Variants in SLC39A9 observed in about 807,000 individuals in gnomAD.
SLC39A9 encodes the protein solute carrier family 39 member 9, also known as zinc transporter ZIP9.
In SLC39A9, 14 loss-of-function variants were observed where a neutral mutation model predicts 28.4. The observed-to-expected ratio is 0.49, with a 90% CI of 0.33 to 0.77. The LOEUF is 0.77. Among genes scored for constraint, SLC39A9 ranks in the 30% least tolerant of loss-of-function variants. The pLI, the probability that SLC39A9 is intolerant of heterozygous loss-of-function variation, is 0.02. For missense variants in SLC39A9, 283 were observed against 381.1 expected, an observed-to-expected ratio of 0.74 and a Z score of 2.14; for synonymous variants, 119 against 149.6, an observed-to-expected ratio of 0.80 and a Z score of 1.49.
chr14:69,460,296 T>C lies in SLC39A9; in HGVS notation c.*1703T>C, dbSNP rs887757733. ...GATCAGCAGCTGTGGAAATAAAGCTTGTGAGCCCTCTGCTGGCCACAGTGA... is the reference window on the plus strand; with the variant it reads ...GATCAGCAGCTGTGGAAATAAAGCTCGTGAGCCCTCTGCTGGCCACAGTGA... On this transcript the variant is annotated 3_prime_UTR_variant, in exon 7 of 7. Transcript: ENST00000336643. 32 of 985,672 alleles carry C rather than the reference T, an allele frequency of 3.2e-5. No homozygotes were observed. Among genetic ancestry groups the C allele is most frequent in the African/African-American group, 2.4e-4 (14 of 57,246 alleles). 61.1% of individuals were successfully genotyped at this position (985,672 alleles called of 1,614,324 possible).
intron 3 of SLC39A9, among the ~76,000 whole-genome samples, chr14:69,449,061 G>A (rs1206502788): frequency 6.6e-6 from 1 of 152,142 alleles, no homozygotes; most frequent in Non-Finnish European, 1.5e-5. Context: ...AAAAAATTAT[G>A]GGAGTAAGCT....
chr14:69,404,945 A>G (rs1422788429), intron 1 of SLC39A9, among the ~76,000 whole-genome samples: 2 of 152,354 alleles, frequency 1.3e-5, no homozygotes, highest in Admixed American at 6.5e-5. Flanking sequence ...ACAATTCAGC[A>G]TAGCTGGGGA....
intron 1 of SLC39A9, among the ~76,000 whole-genome samples, chr14:69,416,028 G>T (rs938550384): frequency 6.6e-6 from 1 of 151,826 alleles, no homozygotes; most frequent in African/African-American, 2.4e-5. Context: ...CCATTAACTC[G>T]CCATTTACAT....
chr14:69,399,236 G>A lies in SLC39A9; in HGVS notation c.-134G>A, dbSNP rs1566903535. ...AGGAAGGTGCCTCGTGAACACATCTGCTGGTGGGAAGGCCTAAAGAACTGG... is the reference window on the plus strand; with the variant it reads ...AGGAAGGTGCCTCGTGAACACATCTACTGGTGGGAAGGCCTAAAGAACTGG... On this transcript the variant is annotated 5_prime_UTR_variant, in exon 1 of 7. Transcript: ENST00000336643. The A allele has an allele frequency of 5.5e-6, 4 of 730,792 alleles. No individual in the cohort carries two copies. The South Asian group carries it at 6.5e-5, about 12-fold the overall frequency. The allele number at this position is 730,792 out of a possible 1,614,324, so 45.3% of individuals were successfully genotyped here. A position where few individuals can be genotyped will look rare whatever the true frequency, so the allele number is the denominator to read the frequency against.
chr14:69,448,027 A>G (rs1431434125), intron 3 of SLC39A9, among the ~76,000 whole-genome samples: 2 of 151,996 alleles, frequency 1.3e-5, no homozygotes, highest in Non-Finnish European at 2.9e-5. Flanking sequence ...ATCCTGGCTA[A>G]CACGGTGAAA....
At chr14:69,436,494 A>C (rs557397665) in intron 2 of SLC39A9, among the ~76,000 whole-genome samples, 2 of 152,248 alleles carry the variant, frequency 1.3e-5, no homozygotes, top group Middle Eastern at 3.4e-3. Flanking sequence ...GAGAATGTTT[A>C]TTTCTTTTGT....
intron 1 of SLC39A9, among the ~76,000 whole-genome samples, chr14:69,414,463 T>A (rs1017707101): frequency 6.6e-6 from 1 of 152,152 alleles, no homozygotes; most frequent in African/African-American, 2.4e-5. Flanking sequence ...GAATGGCAGA[T>A]GAGATTGTTT....
At chr14:69,405,663 GCTTGT>G (rs1882874464) in intron 1 of SLC39A9, among the ~76,000 whole-genome samples, 1 of 152,146 alleles carries the variant, frequency 6.6e-6, no homozygotes. Flanking sequence ...GAAATCATCA[GCTTGT>G]CTTTTCTCAG....
intron 1 of SLC39A9, among the ~76,000 whole-genome samples, chr14:69,409,342 G>C (rs1011449263): frequency 6.6e-6 from 1 of 151,996 alleles, no homozygotes; most frequent in Non-Finnish European, 1.5e-5. Flanking sequence ...GTCATTTGTT[G>C]TTGTTGTTGT....
chr14:69,461,415 A>ATT lies in SLC39A9; in HGVS notation c.*2830_*2831dup. The ATT allele has an allele frequency of 8.0e-7, 1 of 1,244,030 alleles. No individual in the cohort carries two copies. The highest frequency in any genetic ancestry group is 1.0e-6 in the Non-Finnish European group (1 of 984,114). 77.1% of individuals were successfully genotyped at this position (1,244,030 alleles called of 1,614,324 possible). On this transcript the variant is annotated 3_prime_UTR_variant, in exon 7 of 7. Transcript: ENST00000336643. ...GTTTTCCTGTGCACACTATTGCCAAATTTTTTTTTAGCAAAGATTCTGCAC... is the reference window on the plus strand; with the variant it reads ...GTTTTCCTGTGCACACTATTGCCAAATTTTTTTTTTTAGCAAAGATTCTGCAC...
At chr14:69,403,593 A>C (rs1026866050) in intron 1 of SLC39A9, among the ~76,000 whole-genome samples, 1 of 152,254 alleles carries the variant, frequency 6.6e-6, no homozygotes, top group Non-Finnish European at 1.5e-5. Context: ...AGAAAATACA[A>C]GCCCAAATGT....
Position 69,461,057 on chromosome 14 carries a change from T to C in SLC39A9, c.*2464T>C, listed in dbSNP as rs1594959358. 1.0e-6 allele frequency: 1 copy of C among 985,506 alleles called. No homozygotes were observed. Among genetic ancestry groups the C allele is most frequent in the African/African-American group, 1.7e-5 (1 of 57,230 alleles). 61.0% of individuals were successfully genotyped at this position (985,506 alleles called of 1,614,324 possible). A position where few individuals can be genotyped will look rare whatever the true frequency, so the allele number is the denominator to read the frequency against. ...CGTTTTCCTCTTGTTTAAAACTGCC[T>C]CTTTAGATGTGGATGCCTTAATGCT... On this transcript the variant is annotated 3_prime_UTR_variant, in exon 7 of 7. Coordinates refer to ENST00000336643, the MANE Select transcript of SLC39A9 (RefSeq NM_018375.5).
At chr14:69,452,773 A>T (rs2139449597) in intron 3 of SLC39A9, among the ~76,000 whole-genome samples, 2 of 152,322 alleles carry the variant, frequency 1.3e-5, no homozygotes, top group Non-Finnish European at 2.9e-5. Flanking sequence ...AAAATGTGAC[A>T]GATGTTAGAA....
chr14:69,430,728 TCAAA>T (rs1188815678), intron 2 of SLC39A9, among the ~76,000 whole-genome samples: 2 of 151,310 alleles, frequency 1.3e-5, no homozygotes, highest in Admixed American at 6.6e-5. Flanking sequence ...ACTCCTGTGC[TCAAA>T]CAATCCTCCC....
chr14:69,439,212 TAGG>T (rs1209461908), intron 2 of SLC39A9, among the ~76,000 whole-genome samples: 2 of 152,112 alleles, frequency 1.3e-5, no homozygotes, highest in Non-Finnish European at 2.9e-5. Context: ...GGGAAAGCAT[TAGG>T]AGATATACCT....
At position 69,461,246 on chromosome 14, in the gene SLC39A9, A is replaced by G. The variant is rs780699974; in HGVS notation, c.*2653A>G. On this transcript the variant is annotated 3_prime_UTR_variant, in exon 7 of 7. Transcript: ENST00000336643. ...ATTTGACTCCGTTTCCTTGGTAGGG[A>G]TAGACTTTCTTCAGATTCCAAGTGC... 5.1e-6 allele frequency: 5 copies of G among 989,386 alleles called. No individual in the cohort carries two copies. The highest frequency in any genetic ancestry group is 6.0e-5 in the Admixed American group (1 of 16,682). The allele number at this position is 989,386 out of a possible 1,614,324, so 61.3% of individuals were successfully genotyped here.
Position 69,460,817 on chromosome 14 carries a change from T to C in SLC39A9, c.*2224T>C. 14 of 985,442 alleles carry C rather than the reference T, an allele frequency of 1.4e-5. No homozygotes were observed. The highest frequency in any genetic ancestry group is 1.7e-5 in the Non-Finnish European group (14 of 829,948). The allele number at this position is 985,442 out of a possible 1,614,324, so 61.0% of individuals were successfully genotyped here. On this transcript the variant is annotated 3_prime_UTR_variant, in exon 7 of 7. Coordinates refer to ENST00000336643, the MANE Select transcript of SLC39A9 (RefSeq NM_018375.5). ...AAGCTATGTATGGGCTTTCCCAGAT[T>C]TTAAAGCTGCTGCCTCGAGAACTAC...
intron 2 of SLC39A9, among the ~76,000 whole-genome samples, chr14:69,425,057 T>C (rs986711867): frequency 2.0e-5 from 3 of 152,144 alleles, no homozygotes; most frequent in African/African-American, 7.2e-5. Flanking sequence ...TTGGCAGATA[T>C]AAATGAGGAT....
chr14:69,450,467 T>C (rs887405382), intron 3 of SLC39A9, among the ~76,000 whole-genome samples: 1 of 152,206 alleles, frequency 6.6e-6, no homozygotes, highest in African/African-American at 2.4e-5. Flanking sequence ...AAAACCTGAT[T>C]CTAAAGATAT....
Sources: gnomAD v4.1 joint callset for allele counts (sites outside exome capture counted in the v4.1 genomes callset) on GRCh38, gnomAD v4.1.1 for gene constraint, MANE v1.5 for transcripts, NCBI Gene and HGNC (gene_info 2026-07-23, HGNC 2026-07-21) for gene names.